Variants in BPIFA1 observed in about 807,000 individuals in gnomAD.
The protein encoded by BPIFA1 is BPI fold-containing family A member 1.
Under a neutral mutation model 25.1 loss-of-function variants are expected in BPIFA1, and 24 were observed. The observed-to-expected ratio is 0.96, with a 90% CI of 0.69 to 1.35. The LOEUF is 1.35. BPIFA1 is among the 40% of genes most tolerant of loss of function. The pLI is 0.00. For synonymous variants in BPIFA1, 139 were observed against 131.8 expected (o/e 1.05, Z -0.37); for missense variants, 344 against 303.7 (o/e 1.13, Z -0.99).
intron 1 of BPIFA1, among the ~76,000 whole-genome samples, chr20:33,236,418 G>A (rs1229926092): frequency 3.3e-5 from 5 of 152,080 alleles, no homozygotes; most frequent in African/African-American, 1.2e-4. Flanking sequence ...ATTCATAAAG[G>A]GTCTGTTGCC....
At chr20:33,239,733 T>G in intron 3 of BPIFA1, 70 bp from the exon 4 acceptor site, 1 of 1,446,096 alleles carries the variant, frequency 6.9e-7, no homozygotes, top group Non-Finnish European at 9.7e-7. Context: ...TACTGTTAGG[T>G]TAAAGATGGT....
In BPIFA1 at chr20:33,242,064, T is replaced by C; in HGVS notation, c.675T>C (p.Pro225=). The change falls in exon 7 of 9, where the codon CCT becomes CCC. Residue 225 remains proline (P), a synonymous_variant. Coordinates refer to ENST00000354297, the MANE Select transcript of BPIFA1 (RefSeq NM_130852.3). ...LPELVQGNVC[P]LVNEVLRGLD... ...TCTCTGCCCCTGGCCAGGTGTGCCC[T>C]CTGGTCAATGAGGTTCTCAGAGGCT... 6.2e-7 allele frequency: 1 copy of C among 1,614,106 alleles called. No homozygotes were observed. Among genetic ancestry groups the C allele is most frequent in the Non-Finnish European group, 8.5e-7 (1 of 1,179,966 alleles).
intron 2 of BPIFA1, 87 bp downstream of exon 2, chr20:33,237,958 C>A: frequency 6.7e-7 from 1 of 1,500,952 alleles, no homozygotes; most frequent in Non-Finnish European, 8.9e-7. Context: ...GTGTCCAACC[C>A]TGCAAAGTGG....
chr20:33,240,452 A>G, intron 5 of BPIFA1, 67 bp downstream of exon 5: 1 of 1,574,416 alleles, frequency 6.4e-7, no homozygotes, highest in Non-Finnish European at 8.7e-7. Context: ...GGATGATTGG[A>G]AAGCTGAGAC....
intron 7 of BPIFA1, 62 bp downstream of exon 7, chr20:33,242,181 G>C: frequency 1.9e-6 from 3 of 1,548,152 alleles, no homozygotes; most frequent in South Asian, 1.1e-5. Context: ...CCCCCAAGGA[G>C]TTTTTTCCCT....
intron 2 of BPIFA1, 47 bp from the exon 3 acceptor site, chr20:33,238,008 T>G: frequency 6.3e-7 from 1 of 1,579,606 alleles, no homozygotes; most frequent in Non-Finnish European, 8.6e-7. Flanking sequence ...CCTGAGGATC[T>G]GGAATTGTCA....
At chr20:33,236,073 C>A (rs919577142) in intron 1 of BPIFA1, 23 bp downstream of exon 1, 1 of 152,176 alleles carries the variant, frequency 6.6e-6, no homozygotes, top group Non-Finnish European at 1.5e-5. Context: ...CATTCTGTGG[C>A]CCCTCTGCTA....
In BPIFA1 at chr20:33,238,044, C is replaced by G; in HGVS notation, c.161-11C>G. Reference sequence around the variant, plus strand: ...GATCTGACCCCCAGAGACCCTTACACCCATTTCCAGCCCTCAGCAATGGCC... The same window carrying G: ...GATCTGACCCCCAGAGACCCTTACAGCCATTTCCAGCCCTCAGCAATGGCC... On this transcript the variant is annotated splice_polypyrimidine_tract_variant and intron_variant, in intron 2 of 8. Coordinates refer to ENST00000354297, the MANE Select transcript of BPIFA1 (RefSeq NM_130852.3). 6.2e-7 allele frequency: 1 copy of G among 1,611,112 alleles called. No homozygotes were observed. The highest frequency in any genetic ancestry group is 8.5e-7 in the Non-Finnish European group (1 of 1,178,744).
At chr20:33,242,610 C>A in intron 8 of BPIFA1, 49 bp downstream of exon 8, 1 of 1,414,448 alleles carries the variant, frequency 7.1e-7, no homozygotes, top group Non-Finnish European at 1.0e-6. Flanking sequence ...GGCTGTTCTT[C>A]TCCTGGTAGA....
At chr20:33,240,641 TAGATGATAGATA>T (rs1321550076) in intron 5 of BPIFA1, among the ~76,000 whole-genome samples, 2 of 129,614 alleles carry the variant, frequency 1.5e-5, no homozygotes, top group African/African-American at 5.7e-5. Flanking sequence ...GATGGATAGA[TAGATGATAGATA>T]GATAGATAGA....
At chr20:33,241,581 A>T (rs1978982579) in intron 6 of BPIFA1, 112 bp downstream of exon 6, 1 of 887,470 alleles carries the variant, frequency 1.1e-6, no homozygotes, top group African/African-American at 1.7e-5. Context: ...AGTAACTTCC[A>T]TTCATCAATC....
intron 1 of BPIFA1, 80 bp from the exon 2 acceptor site, chr20:33,237,617 C>A (rs1303259635): frequency 3.3e-6 from 4 of 1,209,468 alleles, no homozygotes; most frequent in Non-Finnish European, 4.3e-6. Context: ...AACAACCCCA[C>A]CCCCCAGGTG....
In BPIFA1 at chr20:33,242,135, C is replaced by T. The variant is rs1568632387; in HGVS notation, c.730+16C>T. 3.1e-6 allele frequency: 5 copies of T among 1,613,014 alleles called. No homozygotes were observed. Among genetic ancestry groups the T allele is most frequent in the Non-Finnish European group, 4.2e-6 (5 of 1,178,970 alleles). ...GACATTGTTAGTAAGTACCTGCTTT[C>T]AAGCCCTCTGTCCCTCTCTGCAGGA... On this transcript the variant is annotated intron_variant, in intron 7 of 8. Coordinates refer to ENST00000354297, the MANE Select transcript of BPIFA1 (RefSeq NM_130852.3).
Position 33,238,231 on chromosome 20 carries a change from T to C in BPIFA1, c.320+17T>C, listed in dbSNP as rs749174361. ...CATCATTGAGTGAGTTGTCCTAAAA[T>C]AGAGCTTTGATCTCCACCAGGGAAC... On this transcript the variant is annotated intron_variant, in intron 3 of 8. Coordinates refer to ENST00000354297, the MANE Select transcript of BPIFA1 (RefSeq NM_130852.3). 31 of 1,604,244 alleles carry C rather than the reference T, an allele frequency of 1.9e-5. No individual in the cohort carries two copies. Among genetic ancestry groups the C allele is most frequent in the Non-Finnish European group, 2.6e-5 (30 of 1,174,582 alleles).
chr20:33,238,287 T>C (rs6057780), intron 3 of BPIFA1, 73 bp downstream of exon 3: 876 of 856,582 alleles, frequency 1.0e-3, no homozygotes, highest in Non-Finnish European at 1.2e-3. Context: ...CCCCAGGCAG[T>C]GACCCTGAAG....
chr20:33,241,694 C>G (rs931457762), intron 6 of BPIFA1, among the ~76,000 whole-genome samples: 49 of 152,182 alleles, frequency 3.2e-4, no homozygotes, highest in African/African-American at 1.1e-3. Context: ...CACACTGAAG[C>G]TGAAATGGAT....
chr20:33,239,322 G>A (rs1978845376), intron 3 of BPIFA1, among the ~76,000 whole-genome samples: 1 of 152,166 alleles, frequency 6.6e-6, no homozygotes, highest in South Asian at 2.1e-4. Context: ...ATAAATGTTT[G>A]TGCAGATTTA....
chr20:33,240,976 C>G (rs1295131288), intron 5 of BPIFA1, among the ~76,000 whole-genome samples: 1 of 152,182 alleles, frequency 6.6e-6, no homozygotes, highest in Non-Finnish European at 1.5e-5. Flanking sequence ...ATTTCAGTTA[C>G]CTGTCACATG....
In BPIFA1 at chr20:33,242,125, T is replaced by C. The variant is rs762567431; in HGVS notation, c.730+6T>C. On this transcript the variant is annotated splice_donor_region_variant and intron_variant, in intron 7 of 8. Transcript: ENST00000354297. Reference sequence around the variant, plus strand: ...CCTGGTGCATGACATTGTTAGTAAGTACCTGCTTTCAAGCCCTCTGTCCCT... The same window carrying C: ...CCTGGTGCATGACATTGTTAGTAAGCACCTGCTTTCAAGCCCTCTGTCCCT... 6.2e-7 allele frequency: 1 copy of C among 1,613,840 alleles called. No homozygotes were observed. The highest frequency in any genetic ancestry group is 1.7e-5 in the Admixed American group (1 of 60,020).
Sources: allele counts gnomAD v4.1 joint callset (sites outside exome capture counted in the v4.1 genomes callset), GRCh38; gene constraint gnomAD v4.1.1; transcripts MANE v1.5; gene names NCBI Gene and HGNC (gene_info 2026-07-23, HGNC 2026-07-21).